The following JAK2 variants were observed in gnomAD, a reference collection of about 807,000 sequenced individuals.
JAK2 encodes tyrosine-protein kinase JAK2.
JAK2 carries 86 observed loss-of-function variants against 139.3 expected under a neutral mutation model. That is an observed-to-expected ratio of 0.62 (90% CI 0.52 to 0.74). The LOEUF is 0.74. Among genes scored for constraint, JAK2 ranks in the 30% least tolerant of loss-of-function variants. The pLI is 0.00. For synonymous variants in JAK2, 490 were observed against 437.7 expected, an observed-to-expected ratio of 1.12 and a Z score of -1.49; for missense variants, 1,421 against 1,360.3, an observed-to-expected ratio of 1.04 and a Z score of -0.70.
Position 5,114,507 on chromosome 9 carries a change from T to G in JAK2, c.3060-8497T>G, listed in dbSNP as rs1266861778. ...ATGTGCTCCCCCACAGGTCTACGTG[T>G]TTGCAACGCTAGAAGAGCCGAGGAA... On this transcript the variant is annotated intron_variant, in intron 22 of 24. Transcript: ENST00000381652. 12 of 467,558 alleles carry G rather than the reference T, an allele frequency of 2.6e-5. No individual in the cohort carries two copies. The Admixed American group carries it at 2.8e-4, about 11-fold the overall frequency. The allele number at this position is 467,558 out of a possible 1,614,324, so 29.0% of individuals were successfully genotyped here. A position where few individuals can be genotyped will look rare whatever the true frequency, so the allele number is the denominator to read the frequency against.
At chr9:5,006,608 A>G (rs1191220413) in intron 2 of JAK2, among the ~76,000 whole-genome samples, 1 of 152,162 alleles carries the variant, frequency 6.6e-6, no homozygotes, top group Admixed American at 6.5e-5. Flanking sequence ...GAAGGGGAAA[A>G]AAGTACATCT....
At chr9:4,999,833 C>T (rs1436849436) in intron 2 of JAK2, among the ~76,000 whole-genome samples, 3 of 152,062 alleles carry the variant, frequency 2.0e-5, no homozygotes, top group Admixed American at 6.5e-5. Flanking sequence ...TAATTTTTTC[C>T]CAATATTTAG....
At chr9:5,075,398 C>G (rs1586744610) in intron 14 of JAK2, among the ~76,000 whole-genome samples, 1 of 152,194 alleles carries the variant, frequency 6.6e-6, no homozygotes, top group Admixed American at 6.5e-5. Context: ...CTTCGAAGGA[C>G]AGGCTGACCC....
chr9:4,991,396 TATG>T (rs1820234449), intron 2 of JAK2, among the ~76,000 whole-genome samples: 1 of 152,202 alleles, frequency 6.6e-6, no homozygotes, highest in Non-Finnish European at 1.5e-5. Flanking sequence ...TTTAATAAAT[TATG>T]ATTATGAAAT....
rs79371649 is a variant in JAK2, at chr9:5,124,146, C to T, written c.3177+1025C>T. On this transcript the variant is annotated intron_variant, in intron 23 of 24. Coordinates refer to ENST00000381652, the MANE Select transcript of JAK2 (RefSeq NM_004972.4). Reference sequence around the variant, plus strand: ...ATACAAAGTTTGCAAATATTTTCTCCGATTATGCAGGTTTTCTGTTCATTC... The same window carrying T: ...ATACAAAGTTTGCAAATATTTTCTCTGATTATGCAGGTTTTCTGTTCATTC... Among the ~76,000 whole-genome samples the T allele has an allele frequency of 1.6e-4, 25 of 151,816 alleles. No individual in the cohort carries two copies. In the East Asian group the frequency reaches 4.8e-3, roughly 29 times the overall value.
chr9:5,123,832 A>T (rs1484978538), intron 23 of JAK2, among the ~76,000 whole-genome samples: 3 of 142,848 alleles, frequency 2.1e-5, no homozygotes, highest in African/African-American at 5.2e-5. Context: ...TCTCTCTCTC[A>T]TTTTTTTTTC....
At chr9:5,021,654 T>A (rs1489336799) in intron 2 of JAK2, among the ~76,000 whole-genome samples, 1 of 152,180 alleles carries the variant, frequency 6.6e-6, no homozygotes, top group East Asian at 1.9e-4. Context: ...TGAGACAGGG[T>A]CTTGCTGTGT....
intron 2 of JAK2, among the ~76,000 whole-genome samples, chr9:5,004,232 C>A (rs1027933965): frequency 6.6e-6 from 1 of 152,126 alleles, no homozygotes; most frequent in Admixed American, 6.5e-5. Flanking sequence ...CTTCAGTTTA[C>A]TCCTCCTATC....
Position 5,029,861 on chromosome 9 carries a change from T to A in JAK2, c.305T>A (p.Phe102Tyr). 3 of 1,612,358 alleles carry A rather than the reference T, an allele frequency of 1.9e-6. No individual in the cohort carries two copies. Among genetic ancestry groups the A allele is most frequent in the Non-Finnish European group, 1.7e-6 (2 of 1,178,690 alleles). ...ATCTGGTATCCACCCAACCATGTCT[T>A]CCATATAGATGAGTCAACCAGGCAT... ...ERIWYPPNHV[F>Y]HIDESTRHNV... The change falls in exon 4 of 25, where the codon TTC becomes TAC. Residue 102 changes from phenylalanine to tyrosine, a missense_variant. Physicochemically the swap from Phe to Tyr is conservative, Grantham distance 22. Coordinates refer to ENST00000381652, the MANE Select transcript of JAK2 (RefSeq NM_004972.4).
In JAK2 at chr9:5,128,080, TTGTGTGTGTGTGTGTGTG is replaced by T. The variant is rs139964957; in HGVS notation, c.*1313_*1330del. ...TAGCTAAAATAAAATATGGTGGGTT[TTGTGTGTGTGTGTGTGTG>T]TGTGTGTGTGTGTGTGTGTGTGTTA... On this transcript the variant is annotated 3_prime_UTR_variant, in exon 25 of 25. Transcript: ENST00000381652. 45 of 224,686 alleles carry T rather than the reference TTGTGTGTGTGTGTGTGTG, an allele frequency of 2.0e-4. No homozygotes were observed. Among genetic ancestry groups the T allele is most frequent in the South Asian group, 3.8e-4 (2 of 5,240 alleles). The allele number at this position is 224,686 out of a possible 1,614,324, so 13.9% of individuals were successfully genotyped here.
rs1415705074 is a variant in JAK2, at chr9:5,055,476, T to G, written c.937-193T>G. 2.6e-5 allele frequency among the ~76,000 whole-genome samples: 4 copies of G among 152,014 alleles called. No homozygotes were observed. In the East Asian group the frequency reaches 7.7e-4, roughly 29 times the overall value. Reference sequence around the variant, plus strand: ...TCCTGGCATCATTTAATGCCCTCATTTTTAAGTCAAGCAAGATACAGCATA... The same window carrying G: ...TCCTGGCATCATTTAATGCCCTCATGTTTAAGTCAAGCAAGATACAGCATA... On this transcript the variant is annotated intron_variant, in intron 7 of 24. Transcript: ENST00000381652.
intron 22 of JAK2, among the ~76,000 whole-genome samples, chr9:5,101,547 T>G (rs548873420): frequency 1.4e-4 from 22 of 152,348 alleles, no homozygotes; most frequent in Admixed American, 3.9e-4. Flanking sequence ...GCATGGTGTT[T>G]GAGCTCTGAC....
chr9:5,104,614 A>C (rs1468846493), intron 22 of JAK2, among the ~76,000 whole-genome samples: 1 of 152,188 alleles, frequency 6.6e-6, no homozygotes, highest in Non-Finnish European at 1.5e-5. Context: ...CAAAAAAATA[A>C]TTTTAGACCA....
rs1824028792 is a variant in JAK2 at position 5,126,796 on chromosome 9, A to C, written c.*5A>C. 2.5e-6 allele frequency: 4 copies of C among 1,572,600 alleles called. No individual in the cohort carries two copies. In the East Asian group the frequency reaches 6.7e-5, roughly 26 times the overall value. ...AGGGATAACATGGCTGGATGAAAGA[A>C]ATGACCTTCATTCTGAGACCAAAGT... On this transcript the variant is annotated 3_prime_UTR_variant, in exon 25 of 25. Transcript: ENST00000381652.
intron 22 of JAK2, among the ~76,000 whole-genome samples, chr9:5,106,413 A>G (rs892837403): frequency 6.6e-6 from 1 of 152,226 alleles, no homozygotes; most frequent in Non-Finnish European, 1.5e-5. Flanking sequence ...GCTGGAGAAG[A>G]TGTGGCGAAA....
rs1238502066 is a variant in JAK2 at position 5,128,069 on chromosome 9, TATG to T, written c.*1279_*1281del. 1 of 218,964 alleles carries T rather than the reference TATG, an allele frequency of 4.6e-6. No homozygotes were observed. The highest frequency in any genetic ancestry group is 8.8e-6 in the Non-Finnish European group (1 of 113,988). 13.6% of individuals were successfully genotyped at this position (218,964 alleles called of 1,614,324 possible). On this transcript the variant is annotated 3_prime_UTR_variant, in exon 25 of 25. Transcript: ENST00000381652. Reference sequence around the variant, plus strand: ...TTTAGACACCATAGCTAAAATAAAATATGGTGGGTTTTGTGTGTGTGTGTGTGT... The same window carrying T: ...TTTAGACACCATAGCTAAAATAAAATGTGGGTTTTGTGTGTGTGTGTGTGT...
At chr9:5,038,554 C>G (rs1329023118) in intron 4 of JAK2, among the ~76,000 whole-genome samples, 2 of 150,486 alleles carry the variant, frequency 1.3e-5, no homozygotes, top group Admixed American at 6.6e-5. Context: ...TTGAATATGT[C>G]TTATCTGAAA....
At chr9:5,038,270 G>C (rs1816216112) in intron 4 of JAK2, among the ~76,000 whole-genome samples, 1 of 152,106 alleles carries the variant, frequency 6.6e-6, no homozygotes, top group African/African-American at 2.4e-5. Flanking sequence ...GTTTGAATAG[G>C]TCTATGACAA....
intron 22 of JAK2, among the ~76,000 whole-genome samples, chr9:5,115,629 CT>C (rs1415610452): frequency 6.6e-6 from 1 of 152,164 alleles, no homozygotes; most frequent in African/African-American, 2.4e-5. Flanking sequence ...TATTGTGGCA[CT>C]TTTCACAATA....
Sources: gnomAD v4.1 joint callset for allele counts (sites outside exome capture counted in the v4.1 genomes callset) on GRCh38, gnomAD v4.1.1 for gene constraint, MANE v1.5 for transcripts, NCBI Gene and HGNC (gene_info 2026-07-23, HGNC 2026-07-21) for gene names.